The following TSHZ2 variants were observed in gnomAD, a reference collection of about 807,000 sequenced individuals.
The protein encoded by TSHZ2 is teashirt zinc finger homeobox 2, also known as teashirt homolog 2.
In TSHZ2, 21 loss-of-function variants were observed where a neutral mutation model predicts 74.4. That is an observed-to-expected ratio of 0.28 (90% CI 0.20 to 0.41). The LOEUF is 0.41. Among genes scored for constraint, TSHZ2 ranks in the 10% least tolerant of loss-of-function variants. The probability of loss-of-function intolerance (pLI) is 1.00; values close to 1 mark genes in which losing one functional copy is unlikely to be tolerated. For missense variants in TSHZ2, 1,244 were observed against 1,293.5 expected (o/e 0.96, Z 0.59); for synonymous variants, 540 against 515.3 (o/e 1.05, Z -0.65).
chr20:53,415,407 C>G (rs925467075), intron 2 of TSHZ2, among the ~76,000 whole-genome samples: 1 of 152,118 alleles, frequency 6.6e-6, no homozygotes, highest in African/African-American at 2.4e-5. Context: ...CACTGGGGCC[C>G]CAGGCCCCTC....
intron 1 of TSHZ2, among the ~76,000 whole-genome samples, chr20:53,233,515 T>G (rs928055056): frequency 7.2e-5 from 11 of 152,182 alleles, no homozygotes; most frequent in African/African-American, 2.4e-4. Flanking sequence ...TGTAGCATTT[T>G]CTCATAAATG....
chr20:53,069,710 C>T (rs1471398710), intron 1 of TSHZ2, among the ~76,000 whole-genome samples: 4 of 99,182 alleles, frequency 4.0e-5, no homozygotes, highest in South Asian at 3.7e-4. Flanking sequence ...CACACACACA[C>T]GCTCAAGTTT....
chr20:53,234,078 A>T (rs1356096182), intron 1 of TSHZ2, among the ~76,000 whole-genome samples: 2 of 152,206 alleles, frequency 1.3e-5, no homozygotes, highest in Non-Finnish European at 1.5e-5. Context: ...CTCTGCCTTT[A>T]CTGCAAGTAT....
At position 53,379,029 on chromosome 20, in the gene TSHZ2, T is replaced by A. The variant is rs1981762869; in HGVS notation, c.*9-108115T>A. ...ACAGGTACCATGTGGGATTTTTTTGTTTATTTTTTATTTTATGTTCTTCAT... is the reference window on the plus strand; with the variant it reads ...ACAGGTACCATGTGGGATTTTTTTGATTATTTTTTATTTTATGTTCTTCAT... On this transcript the variant is annotated intron_variant, in intron 2 of 2. Coordinates refer to ENST00000371497, the MANE Select transcript of TSHZ2 (RefSeq NM_173485.6). Among the ~76,000 whole-genome samples, 5 of 152,314 alleles carry A rather than the reference T, an allele frequency of 3.3e-5. No individual in the cohort carries two copies. The South Asian group carries it at 1.0e-3, about 32-fold the overall frequency.
chr20:53,261,808 G>A (rs1472846643), intron 2 of TSHZ2, among the ~76,000 whole-genome samples: 2 of 152,152 alleles, frequency 1.3e-5, no homozygotes, highest in Non-Finnish European at 2.9e-5. Context: ...GACAGGGAGT[G>A]CAATGTTTTA....
chr20:53,489,123 G>A lies in TSHZ2; in HGVS notation c.*1988G>A. The A allele has an allele frequency of 2.2e-6, 1 of 456,232 alleles. No homozygotes were observed. The highest frequency in any genetic ancestry group is 4.4e-6 in the Non-Finnish European group (1 of 226,956). 28.3% of individuals were successfully genotyped at this position (456,232 alleles called of 1,614,324 possible). On this transcript the variant is annotated 3_prime_UTR_variant, in exon 3 of 3. Coordinates refer to ENST00000371497, the MANE Select transcript of TSHZ2 (RefSeq NM_173485.6). ...AATCAATCACCCACAAGGAAAAATA[G>A]CAACAGTACAACGGGGTGGCTTTTA...
intron 1 of TSHZ2, among the ~76,000 whole-genome samples, chr20:53,045,184 C>T: frequency 6.6e-6 from 1 of 152,192 alleles, no homozygotes; most frequent in South Asian, 2.1e-4. Context: ...CAGCCACCAT[C>T]TGACACCAGC....
At position 53,162,819 on chromosome 20, in the gene TSHZ2, G is replaced by A. The variant is rs190777548; in HGVS notation, c.41-90680G>A. On this transcript the variant is annotated intron_variant, in intron 1 of 2. Transcript: ENST00000371497. The stretch of plus-strand genomic sequence containing the variant: ...CTGCTGATTGTTTTCTTTACAAAGC[G>A]GGGGAGGGGGAGAAAATAAGAAAGT... Among the ~76,000 whole-genome samples, 687 of 152,264 alleles carry A rather than the reference G, an allele frequency of 4.5e-3. 7 individuals are homozygous for A. The highest frequency in any genetic ancestry group is 0.015 in the African/African-American group (626 of 41,542).
chr20:53,429,213 A>G (rs1424309439), intron 2 of TSHZ2, among the ~76,000 whole-genome samples: 1 of 152,236 alleles, frequency 6.6e-6, no homozygotes, highest in Non-Finnish European at 1.5e-5. Context: ...AACCTCCACC[A>G]CAGAGAATTA....
intron 1 of TSHZ2, among the ~76,000 whole-genome samples, chr20:53,067,701 A>G (rs1985035872): frequency 6.6e-6 from 1 of 152,210 alleles, no homozygotes; most frequent in African/African-American, 2.4e-5. Context: ...TTGAAAATGT[A>G]AACGTGATAG....
chr20:53,141,888 C>G (rs1987408543), intron 1 of TSHZ2, among the ~76,000 whole-genome samples: 1 of 152,246 alleles, frequency 6.6e-6, no homozygotes. Context: ...GAGCCCAACG[C>G]TGAGGTCGCC....
chr20:53,277,639 G>A (rs1201602928), intron 2 of TSHZ2, among the ~76,000 whole-genome samples: 1 of 152,102 alleles, frequency 6.6e-6, no homozygotes, highest in African/African-American at 2.4e-5. Flanking sequence ...CCAGCTCCAG[G>A]GTTATATCCT....
At chr20:53,089,972 G>A (rs1331384256) in intron 1 of TSHZ2, among the ~76,000 whole-genome samples, 2 of 152,222 alleles carry the variant, frequency 1.3e-5, no homozygotes, top group South Asian at 4.1e-4. Context: ...TGCAAGCTGA[G>A]GAGCAAAGAA....
At chr20:53,292,529 C>G (rs1057078144) in intron 2 of TSHZ2, among the ~76,000 whole-genome samples, 4 of 151,396 alleles carry the variant, frequency 2.6e-5, no homozygotes, top group Non-Finnish European at 4.4e-5. Flanking sequence ...CTCACTGCAG[C>G]CTTGAACTCC....
chr20:53,184,813 A>T (rs1030888700), intron 1 of TSHZ2, among the ~76,000 whole-genome samples: 1 of 152,150 alleles, frequency 6.6e-6, no homozygotes, highest in African/African-American at 2.4e-5. Flanking sequence ...AGTTCAAACA[A>T]TACTCATGCC....
chr20:53,481,569 C>T (rs1332811549), intron 2 of TSHZ2, among the ~76,000 whole-genome samples: 2 of 150,728 alleles, frequency 1.3e-5, no homozygotes, highest in African/African-American at 4.9e-5. Context: ...CAGAGTGAGA[C>T]CCTGTCTCAA....
At chr20:53,136,322 G>A (rs565200571) in intron 1 of TSHZ2, among the ~76,000 whole-genome samples, 145 of 152,310 alleles carry the variant, frequency 9.5e-4, no homozygotes, top group African/African-American at 3.5e-3. Flanking sequence ...CAAGTAGAGA[G>A]CGTATATTGG....
At chr20:53,469,434 C>T (rs968062878) in intron 2 of TSHZ2, among the ~76,000 whole-genome samples, 2 of 151,916 alleles carry the variant, frequency 1.3e-5, no homozygotes, top group Non-Finnish European at 2.9e-5. Flanking sequence ...GTCCCAGCTA[C>T]TTGGGAGGCT....
At chr20:53,071,260 G>C (rs1985165811) in intron 1 of TSHZ2, among the ~76,000 whole-genome samples, 1 of 152,202 alleles carries the variant, frequency 6.6e-6, no homozygotes, top group South Asian at 2.1e-4. Flanking sequence ...GAAGTATACA[G>C]AGACGGGAGC....
Sources: allele counts gnomAD v4.1 joint callset (sites outside exome capture counted in the v4.1 genomes callset), GRCh38; gene constraint gnomAD v4.1.1; transcripts MANE v1.5; gene names NCBI Gene and HGNC (gene_info 2026-07-23, HGNC 2026-07-21).